Variants in ZNF155 observed in about 807,000 individuals in gnomAD.
ZNF155 encodes the protein zinc finger protein 155.
In ZNF155, 15 loss-of-function variants were observed where a neutral mutation model predicts 11.9. That is an observed-to-expected ratio of 1.26 (90% confidence interval 0.84 to 1.94). The LOEUF is 1.94. ZNF155 is among the 30% of genes most tolerant of loss of function. The pLI is 0.00. For synonymous variants in ZNF155, 212 were observed against 219.9 expected, an observed-to-expected ratio of 0.96 and a Z score of 0.32; for missense variants, 602 against 639.1, an observed-to-expected ratio of 0.94 and a Z score of 0.63.
At chr19:43,995,736 T>C (rs989976430) in intron 4 of ZNF155, among the ~76,000 whole-genome samples, 1 of 152,238 alleles carries the variant, frequency 6.6e-6, no homozygotes, top group Admixed American at 6.5e-5. Context: ...GATTAAGTTA[T>C]TGCTTTTCCT....
At chr19:43,986,566 C>T (rs1243384485) in intron 1 of ZNF155, among the ~76,000 whole-genome samples, 1 of 151,900 alleles carries the variant, frequency 6.6e-6, no homozygotes, top group East Asian at 1.9e-4. Context: ...TCTCCTGCCC[C>T]AGCCTCCTGA....
rs774990553 is a variant in ZNF155, at chr19:43,997,057, C to G, written c.1200C>G (p.Phe400Leu). The G allele has an allele frequency of 1.2e-6, 2 of 1,613,854 alleles. No individual in the cohort carries two copies. The highest frequency in any genetic ancestry group is 1.1e-5 in the South Asian group (1 of 91,050). The change falls in exon 5 of 5, where the codon TTC (phenylalanine) becomes TTG (leucine). Residue 400 changes from phenylalanine (F) to leucine (L), a missense_variant. Phe to Leu is a conservative substitution (Grantham distance 22). Transcript: ENST00000270014. ...HQRVHSGEKS[F>L]KCEECGKGFY... ...GAGTCCACAGTGGAGAAAAAAGCTT[C>G]AAATGTGAAGAATGTGGAAAGGGAT...
intron 4 of ZNF155, among the ~76,000 whole-genome samples, chr19:43,993,936 C>T (rs1014028542): frequency 6.6e-6 from 1 of 152,088 alleles, no homozygotes; most frequent in African/African-American, 2.4e-5. Context: ...CAATATAACC[C>T]GGACAAACAT....
At chr19:43,987,512 C>T (rs1975503965) in intron 1 of ZNF155, among the ~76,000 whole-genome samples, 1 of 152,214 alleles carries the variant, frequency 6.6e-6, no homozygotes. Flanking sequence ...GGTGCGGATA[C>T]TGCCAAAGTG....
At chr19:43,990,217 ATG>A (rs1466961400) in intron 2 of ZNF155, 13 of 659,794 alleles carry the variant, frequency 2.0e-5, no homozygotes, top group East Asian at 9.5e-5. Context: ...ATTTTAAACA[ATG>A]AGAGAGTAAG....
chr19:43,993,776 G>A (rs1181022749), intron 4 of ZNF155, among the ~76,000 whole-genome samples: 1 of 152,070 alleles, frequency 6.6e-6, no homozygotes, highest in Non-Finnish European at 1.5e-5. Flanking sequence ...TATACCAATA[G>A]GTACACACTT....
rs756062989 is a variant in ZNF155, at chr19:43,996,997, CT to C, written c.1142del (p.Phe381SerfsTer8). On this transcript the variant is annotated frameshift_variant, in exon 5 of 5. Transcript: ENST00000270014. LOFTEE classifies it low-confidence loss of function (END_TRUNC). ...ATAATTGTAAAGAATGTGGGAAGAG[CT>C]TCAGATGGTCCTCATGCCTTTTGAA... The part of the protein sequence containing the change: ...PYNCKECGKS[F>X]RWSSCLLNHQ... 24 of 1,614,000 alleles carry C rather than the reference CT, an allele frequency of 1.5e-5. No individual in the cohort carries two copies. Among genetic ancestry groups the C allele is most frequent in the Admixed American group, 6.7e-5 (4 of 60,004 alleles).
Position 43,991,884 on chromosome 19 carries a change from A to C in ZNF155, c.185A>C (p.Glu62Ala). Residue 62 changes from glutamate (E) to alanine (A), a missense_variant, in exon 4 of 5, where the codon GAA (glutamate) becomes GCA (alanine). Physicochemically the swap from Glu to Ala is moderately radical, Grantham distance 107. Coordinates refer to ENST00000270014, the MANE Select transcript of ZNF155 (RefSeq NM_198089.3). ...FHQDTCHFLR[E>A]EKFWMMGTAT... Reference sequence around the variant, plus strand: ...CAAGATACTTGCCACTTCCTAAGGGAAGAAAAGTTTTGGATGATGGGGACA... The same window carrying C: ...CAAGATACTTGCCACTTCCTAAGGGCAGAAAAGTTTTGGATGATGGGGACA... 6.2e-7 allele frequency: 1 copy of C among 1,613,946 alleles called. No homozygotes were observed. Among genetic ancestry groups the C allele is most frequent in the Non-Finnish European group, 8.5e-7 (1 of 1,179,930 alleles).
intron 2 of ZNF155, among the ~76,000 whole-genome samples, chr19:43,990,295 T>C (rs1333572946): frequency 6.6e-6 from 1 of 152,200 alleles, no homozygotes; most frequent in African/African-American, 2.4e-5. Context: ...ATGGAAAATA[T>C]GTAAAATTAA....
At chr19:43,987,634 C>G (rs1975507572) in intron 1 of ZNF155, among the ~76,000 whole-genome samples, 1 of 152,254 alleles carries the variant, frequency 6.6e-6, no homozygotes, top group East Asian at 1.9e-4. Context: ...TCAGATTTGT[C>G]CACTATCAAA....
chr19:43,991,791 A>G, intron 3 of ZNF155, 51 bp from the exon 4 acceptor site: 13 of 1,606,960 alleles, frequency 8.1e-6, no homozygotes, highest in Non-Finnish European at 1.1e-5. Flanking sequence ...TTTTGCCTAA[A>G]TATTACCCAG....
intron 4 of ZNF155, among the ~76,000 whole-genome samples, chr19:43,995,441 C>T (rs1266019912): frequency 1.4e-5 from 2 of 143,946 alleles, no homozygotes; most frequent in African/African-American, 5.2e-5. Context: ...CAGGGTCTCG[C>T]TCTGTCACCC....
At chr19:43,988,356 A>G (rs1975534478) in intron 1 of ZNF155, 103 bp from the exon 2 acceptor site, 1 of 440,014 alleles carries the variant, frequency 2.3e-6, no homozygotes, top group Non-Finnish European at 4.0e-6. Context: ...CCATTTACCC[A>G]GAGGAAGGCA....
At chr19:43,995,691 G>A (rs1482810039) in intron 4 of ZNF155, among the ~76,000 whole-genome samples, 1 of 151,978 alleles carries the variant, frequency 6.6e-6, no homozygotes, top group East Asian at 1.9e-4. Flanking sequence ...TTCTTTATAA[G>A]GATATACAGC....
intron 2 of ZNF155, chr19:43,988,846 T>TA: frequency 4.4e-6 from 1 of 229,074 alleles, no homozygotes; most frequent in East Asian, 5.9e-5. Context: ...TTATCTTCTC[T>TA]GCTGTTCGTC....
intron 1 of ZNF155, among the ~76,000 whole-genome samples, chr19:43,985,273 C>G (rs2147366096): frequency 1.3e-5 from 2 of 152,064 alleles, no homozygotes; most frequent in South Asian, 4.2e-4. Flanking sequence ...GTTGGCCAGG[C>G]TGGTCTCGAA....
At chr19:43,994,807 T>G (rs1446221324) in intron 4 of ZNF155, among the ~76,000 whole-genome samples, 1 of 152,160 alleles carries the variant, frequency 6.6e-6, no homozygotes, top group East Asian at 1.9e-4. Flanking sequence ...ATGGAGCCAG[T>G]ATTGATTGAT....
At chr19:43,991,818 G>A in intron 3 of ZNF155, 24 bp from the exon 4 acceptor site, 2 of 1,610,482 alleles carry the variant, frequency 1.2e-6, no homozygotes, top group Non-Finnish European at 1.7e-6. Flanking sequence ...TTGGGATTCA[G>A]CACGTGACCT....
At position 43,997,548 on chromosome 19, in the gene ZNF155, T is replaced by C. The variant is rs369051844; in HGVS notation, c.*74T>C. 2.0e-5 allele frequency: 24 copies of C among 1,226,106 alleles called. No individual in the cohort carries two copies. The highest frequency in any genetic ancestry group is 9.3e-5 in the South Asian group (6 of 64,536). The allele number at this position is 1,226,106 out of a possible 1,614,324, so 76.0% of individuals were successfully genotyped here. A position where few individuals can be genotyped will look rare whatever the true frequency, so the allele number is the denominator to read the frequency against. ...ATTTATAGTGATCCAATCAGTGTAA[T>C]TGGTGTATCTGTTACCTCAAACATT... On this transcript the variant is annotated 3_prime_UTR_variant, in exon 5 of 5. Transcript: ENST00000270014.
Sources: allele counts gnomAD v4.1 joint callset (sites outside exome capture counted in the v4.1 genomes callset), GRCh38; gene constraint gnomAD v4.1.1; transcripts MANE v1.5; gene names NCBI Gene and HGNC (gene_info 2026-07-23, HGNC 2026-07-21).